The following KCTD8 variants were observed in gnomAD, a reference collection of about 807,000 sequenced individuals.
KCTD8 encodes the protein potassium channel tetramerization domain containing 8.
In KCTD8, 27 loss-of-function variants were observed where a neutral mutation model predicts 31.5. The observed-to-expected ratio is 0.86, with a 90% CI of 0.63 to 1.18. The LOEUF (loss-of-function observed/expected upper bound fraction) is 1.18. Among genes scored for constraint, KCTD8 ranks in the 50% most tolerant of loss-of-function variants. The probability of loss-of-function intolerance (pLI) is 0.00; values close to 1 mark genes in which losing one functional copy is unlikely to be tolerated. For missense variants in KCTD8, 658 were observed against 647.7 expected (o/e 1.02, Z -0.17); for synonymous variants, 290 against 280.0 (o/e 1.04, Z -0.36).
chr4:44,176,153 T>C (rs1365483881), intron 1 of KCTD8, among the ~76,000 whole-genome samples: 1 of 152,190 alleles, frequency 6.6e-6, no homozygotes, highest in Non-Finnish European at 1.5e-5. Flanking sequence ...AATTCAGAGA[T>C]CTAAATTACT....
At chr4:44,339,074 G>A (rs1210483241) in intron 1 of KCTD8, among the ~76,000 whole-genome samples, 1 of 152,144 alleles carries the variant, frequency 6.6e-6, no homozygotes, top group Non-Finnish European at 1.5e-5. Flanking sequence ...TTAATAAAGT[G>A]ATTACCAATT....
At chr4:44,429,424 G>A (rs1721419142) in intron 1 of KCTD8, among the ~76,000 whole-genome samples, 1 of 151,764 alleles carries the variant, frequency 6.6e-6, no homozygotes, top group Admixed American at 6.6e-5. Flanking sequence ...AAGGAAAGAA[G>A]TACCTACTGG....
At chr4:44,367,765 T>C (rs1358377554) in intron 1 of KCTD8, among the ~76,000 whole-genome samples, 3 of 151,660 alleles carry the variant, frequency 2.0e-5, no homozygotes, top group South Asian at 2.1e-4. Context: ...ACTGAATGTA[T>C]AAAATATAGC....
chr4:44,353,434 T>C (rs1159827430), intron 1 of KCTD8, among the ~76,000 whole-genome samples: 2 of 152,122 alleles, frequency 1.3e-5, no homozygotes, highest in African/African-American at 4.8e-5. Flanking sequence ...GGGTAATTAA[T>C]GTATCCAGCA....
At chr4:44,203,950 A>C (rs909746747) in intron 1 of KCTD8, among the ~76,000 whole-genome samples, 4 of 151,958 alleles carry the variant, frequency 2.6e-5, no homozygotes, top group Admixed American at 1.3e-4. Flanking sequence ...TAATAAAAAA[A>C]AGCATGTGCA....
intron 1 of KCTD8, among the ~76,000 whole-genome samples, chr4:44,216,441 G>A (rs1291523425): frequency 1.3e-5 from 2 of 152,024 alleles, no homozygotes; most frequent in Non-Finnish European, 2.9e-5. Flanking sequence ...TAAAGTAGAA[G>A]GCACTATTAA....
At chr4:44,438,417 A>T (rs1273447192) in intron 1 of KCTD8, among the ~76,000 whole-genome samples, 1 of 152,186 alleles carries the variant, frequency 6.6e-6, no homozygotes, top group Non-Finnish European at 1.5e-5. Context: ...AAAAGCCCTC[A>T]TCAGAAATAT....
intron 1 of KCTD8, among the ~76,000 whole-genome samples, chr4:44,322,487 T>G (rs1049842585): frequency 6.6e-6 from 1 of 152,096 alleles, no homozygotes; most frequent in African/African-American, 2.4e-5. Flanking sequence ...TAATATAGTC[T>G]AGTAATTAAT....
At chr4:44,425,879 G>A (rs942934379) in intron 1 of KCTD8, among the ~76,000 whole-genome samples, 1 of 151,866 alleles carries the variant, frequency 6.6e-6, no homozygotes, top group African/African-American at 2.4e-5. Flanking sequence ...CCCAGCTAGT[G>A]CATCTCCTGG....
chr4:44,176,894 T>TCTATCTATCTATCTAC (rs1399367982), intron 1 of KCTD8, among the ~76,000 whole-genome samples: 1 of 151,884 alleles, frequency 6.6e-6, no homozygotes, highest in Non-Finnish European at 1.5e-5. Flanking sequence ...TATCTATCTA[T>TCTATCTATCTATCTAC]CTATCTCAGG....
intron 1 of KCTD8, among the ~76,000 whole-genome samples, chr4:44,272,900 C>T (rs2109373537): frequency 6.6e-6 from 1 of 152,122 alleles, no homozygotes; most frequent in African/African-American, 2.4e-5. Flanking sequence ...ATCGAATGAG[C>T]ATTTAATAGG....
At chr4:44,427,920 T>C (rs1721386805) in intron 1 of KCTD8, among the ~76,000 whole-genome samples, 1 of 151,768 alleles carries the variant, frequency 6.6e-6, no homozygotes, top group Non-Finnish European at 1.5e-5. Context: ...TAGACCTTAA[T>C]ATGAAAAATA....
At chr4:44,200,300 C>T (rs2109338834) in intron 1 of KCTD8, among the ~76,000 whole-genome samples, 1 of 151,772 alleles carries the variant, frequency 6.6e-6, no homozygotes, top group Non-Finnish European at 1.5e-5. Context: ...TCCTCCCTAA[C>T]ATATTCTATG....
intron 1 of KCTD8, among the ~76,000 whole-genome samples, chr4:44,395,193 C>T (rs1720468575): frequency 6.6e-6 from 1 of 151,620 alleles, no homozygotes; most frequent in Non-Finnish European, 1.5e-5. Flanking sequence ...TGATAGTCTA[C>T]AAAAAAACAG....
intron 1 of KCTD8, among the ~76,000 whole-genome samples, chr4:44,233,248 A>G (rs75109335): frequency 0.023 from 3,522 of 152,132 alleles, 144 homozygotes; most frequent in African/African-American, 0.081. Context: ...TTGAGCTTTT[A>G]GTTTTGTCTG....
At chr4:44,339,119 G>A (rs1290787943) in intron 1 of KCTD8, among the ~76,000 whole-genome samples, 1 of 152,096 alleles carries the variant, frequency 6.6e-6, no homozygotes, top group African/African-American at 2.4e-5. Flanking sequence ...ACTGCAAAAA[G>A]TACTTTTAAA....
chr4:44,326,686 T>C (rs947177345), intron 1 of KCTD8, among the ~76,000 whole-genome samples: 1 of 151,952 alleles, frequency 6.6e-6, no homozygotes, highest in Non-Finnish European at 1.5e-5. Flanking sequence ...TCTTGTTATG[T>C]ACTACATATG....
At position 44,174,631 on chromosome 4, in the gene KCTD8, C is replaced by T. The variant is rs1490309245; in HGVS notation, c.*159G>A. 9.9e-6 allele frequency: 5 copies of T among 503,678 alleles called. No individual in the cohort carries two copies. The highest frequency in any genetic ancestry group is 3.8e-5 in the Admixed American group (1 of 26,532). 31.2% of individuals were successfully genotyped at this position (503,678 alleles called of 1,614,324 possible). ...TTTTTAATCATGTTTCTAAAAAGAA[C>T]AACAACTAAAACATAAAAGAAAATA... On this transcript the variant is annotated 3_prime_UTR_variant, in exon 2 of 2. Transcript: ENST00000360029.
rs1362144246 is a variant in KCTD8, at chr4:44,299,726, C to CAA, written c.962-124478_962-124477dup. On this transcript the variant is annotated intron_variant, in intron 1 of 1. Coordinates refer to ENST00000360029, the MANE Select transcript of KCTD8 (RefSeq NM_198353.3). Reference sequence around the variant, plus strand: ...CTGGCAACAGAGTGAGACTCCGTCTCAAAAAAAAAAAAGGTGGTGCCTTAG... The same window carrying CAA: ...CTGGCAACAGAGTGAGACTCCGTCTCAAAAAAAAAAAAAAGGTGGTGCCTTAG... Among the ~76,000 whole-genome samples, 73 of 121,216 alleles carry CAA rather than the reference C, an allele frequency of 6.0e-4. 2 individuals carry two copies. In the East Asian group the frequency reaches 0.013, roughly 22 times the overall value. The allele number at this position is 121,216 out of a possible 152,430, so 79.5% of individuals were successfully genotyped here. A position where few individuals can be genotyped will look rare whatever the true frequency, so the allele number is the denominator to read the frequency against.
Sources: allele counts gnomAD v4.1 joint callset (sites outside exome capture counted in the v4.1 genomes callset), GRCh38; gene constraint gnomAD v4.1.1; transcripts MANE v1.5; gene names NCBI Gene and HGNC (gene_info 2026-07-23, HGNC 2026-07-21).